The following SNRNP27 variants were observed in gnomAD, a reference collection of about 807,000 sequenced individuals.
SNRNP27 encodes the protein U4/U6.U5 small nuclear ribonucleoprotein 27 kDa protein.
SNRNP27 carries 22 observed loss-of-function variants against 25.1 expected under a neutral mutation model. The observed-to-expected ratio is 0.88, with a 90% confidence interval of 0.63 to 1.25. SNRNP27 has a LOEUF of 1.25. SNRNP27 is among the 50% of genes most tolerant of loss of function. SNRNP27 has a pLI of 0.00. For synonymous variants in SNRNP27, 66 were observed against 64.9 expected (o/e 1.02, Z -0.08); for missense variants, 150 against 202.3 (o/e 0.74, Z 1.57).
chr2:69,896,135 G>C (rs1676595944), intron 2 of SNRNP27, among the ~76,000 whole-genome samples: 1 of 152,046 alleles, frequency 6.6e-6, no homozygotes, highest in Non-Finnish European at 1.5e-5. Flanking sequence ...ACCATCAATT[G>C]CTGTTTAAGT....
rs1676763080 is a variant in SNRNP27, at chr2:69,904,654, A to C, written c.*346A>C. ...TGGAAGTAAGTTTATCCAATAAAGC[A>C]GTATTTCTACCCTTTTAGATTTGAT... is the stretch of plus-strand genomic sequence containing the variant. On this transcript the variant is annotated 3_prime_UTR_variant, in exon 6 of 6. Transcript: ENST00000244227. 4.5e-5 allele frequency: 19 copies of C among 419,218 alleles called. No homozygotes were observed. In the South Asian group the frequency reaches 8.6e-4, roughly 19 times the overall value. 26.0% of individuals were successfully genotyped at this position (419,218 alleles called of 1,614,324 possible).
chr2:69,899,392 T>G (rs1179845814), intron 4 of SNRNP27, among the ~76,000 whole-genome samples: 1 of 152,124 alleles, frequency 6.6e-6, no homozygotes, highest in Non-Finnish European at 1.5e-5. Context: ...CCTTTCTATT[T>G]GATTGTATTT....
intron 4 of SNRNP27, among the ~76,000 whole-genome samples, chr2:69,901,292 T>G (rs1328606331): frequency 6.6e-6 from 1 of 152,182 alleles, no homozygotes; most frequent in Non-Finnish European, 1.5e-5. Flanking sequence ...AATTGGGCCT[T>G]GAACAATGGG....
chr2:69,903,356 C>T, intron 5 of SNRNP27, 111 bp downstream of exon 5: 1 of 801,642 alleles, frequency 1.2e-6, no homozygotes, highest in Non-Finnish European at 2.1e-6. Context: ...CCATACTGTT[C>T]CTTGTTTGAA....
At chr2:69,904,159 A>T in intron 5 of SNRNP27, 95 bp from the exon 6 acceptor site, 1 of 749,878 alleles carries the variant, frequency 1.3e-6, no homozygotes, top group Non-Finnish European at 2.2e-6. Flanking sequence ...TATTATAAAG[A>T]TGGTTTATAG....
intron 3 of SNRNP27, 44 bp downstream of exon 3, chr2:69,896,592 A>G (rs184094872): frequency 1.3e-6 from 2 of 1,484,532 alleles, no homozygotes; most frequent in East Asian, 2.4e-5. Context: ...TACAGTGATG[A>G]TAAAATTATA....
chr2:69,901,867 A>G (rs1232192208), intron 4 of SNRNP27, among the ~76,000 whole-genome samples: 2 of 152,186 alleles, frequency 1.3e-5, no homozygotes, highest in African/African-American at 4.8e-5. Context: ...GGGTTGTACA[A>G]GAAATGGGAT....
At chr2:69,894,832 C>A (rs1195954097) in intron 1 of SNRNP27, among the ~76,000 whole-genome samples, 1 of 152,140 alleles carries the variant, frequency 6.6e-6, no homozygotes, top group Non-Finnish European at 1.5e-5. Context: ...CCCGTCCGTG[C>A]CACCACGCCT....
intron 1 of SNRNP27, 35 bp downstream of exon 1, chr2:69,894,053 C>T: frequency 3.2e-6 from 5 of 1,585,170 alleles, no homozygotes; most frequent in Non-Finnish European, 4.3e-6. Flanking sequence ...ATATGGGGCT[C>T]TGTTGGAGGC....
chr2:69,896,581 G>A, intron 3 of SNRNP27, 33 bp downstream of exon 3: 1 of 1,533,894 alleles, frequency 6.5e-7, no homozygotes, highest in South Asian at 1.2e-5. Flanking sequence ...TGTAGGAAAA[G>A]TACAGTGATG....
rs1333326959 is a variant in SNRNP27 at position 69,896,434 on chromosome 2, A to G, written c.156-2A>G. ...TCTAACATCTTTGCTTATAAATATTAGATCTCCAAGACGACATAGATCCAC... is the reference window on the plus strand; with the variant it reads ...TCTAACATCTTTGCTTATAAATATTGGATCTCCAAGACGACATAGATCCAC... On this transcript the variant is annotated splice_acceptor_variant, in intron 2 of 5. Coordinates refer to ENST00000244227, the MANE Select transcript of SNRNP27 (RefSeq NM_006857.3). LOFTEE classifies it high-confidence loss of function. 1 of 1,610,964 alleles carries G rather than the reference A, an allele frequency of 6.2e-7. No individual in the cohort carries two copies. Among genetic ancestry groups the G allele is most frequent in the Non-Finnish European group, 8.5e-7 (1 of 1,178,564 alleles).
intron 2 of SNRNP27, among the ~76,000 whole-genome samples, chr2:69,895,777 G>A (rs1467786195): frequency 1.3e-5 from 2 of 152,132 alleles, no homozygotes; most frequent in Non-Finnish European, 2.9e-5. Context: ...AGCCAGGATG[G>A]TCTTGATCTC....
intron 4 of SNRNP27, among the ~76,000 whole-genome samples, chr2:69,898,829 C>G (rs1215855018): frequency 1.3e-5 from 2 of 151,870 alleles, no homozygotes; most frequent in African/African-American, 4.8e-5. Flanking sequence ...CCTTGAATGC[C>G]CTAAATTCTT....
At chr2:69,900,456 C>T (rs1169339113) in intron 4 of SNRNP27, among the ~76,000 whole-genome samples, 1 of 152,146 alleles carries the variant, frequency 6.6e-6, no homozygotes, top group Non-Finnish European at 1.5e-5. Flanking sequence ...ATATACCTCA[C>T]AAGTAATTTG....
chr2:69,896,017 G>A (rs1283369884), intron 2 of SNRNP27, among the ~76,000 whole-genome samples: 2 of 150,086 alleles, frequency 1.3e-5, no homozygotes, highest in Non-Finnish European at 3.0e-5. Context: ...GTGTTGCCCA[G>A]GCTGGTCTTG....
At position 69,893,956 on chromosome 2, in the gene SNRNP27, A is replaced by C; in HGVS notation, c.-29A>C. On this transcript the variant is annotated 5_prime_UTR_variant, in exon 1 of 6. Transcript: ENST00000244227. ...TCCCGGCCCTCCCGGAAGTTGTTGC[A>C]CAGTTGTTTCCGGGAAGCGGGACTC... 1 of 1,613,202 alleles carries C rather than the reference A, an allele frequency of 6.2e-7. No homozygotes were observed. The highest frequency in any genetic ancestry group is 2.2e-5 in the East Asian group (1 of 44,860).
chr2:69,895,896 A>T (rs547827219), intron 2 of SNRNP27, among the ~76,000 whole-genome samples: 1 of 151,734 alleles, frequency 6.6e-6, no homozygotes, highest in East Asian at 1.9e-4. Context: ...GGTGATAATG[A>T]TTTATTCAAG....
intron 4 of SNRNP27, among the ~76,000 whole-genome samples, chr2:69,902,432 C>T (rs1676718188): frequency 6.6e-6 from 1 of 152,096 alleles, no homozygotes; most frequent in Non-Finnish European, 1.5e-5. Context: ...GCTTCTTCTG[C>T]TGCTCCTTCT....
At chr2:69,894,593 A>G (rs1299895489) in intron 1 of SNRNP27, among the ~76,000 whole-genome samples, 1 of 152,156 alleles carries the variant, frequency 6.6e-6, no homozygotes, top group African/African-American at 2.4e-5. Flanking sequence ...TAAATGAGGC[A>G]GCGCGACGTA....
Sources: gnomAD v4.1 joint callset for allele counts (sites outside exome capture counted in the v4.1 genomes callset) on GRCh38, gnomAD v4.1.1 for gene constraint, MANE v1.5 for transcripts, NCBI Gene and HGNC (gene_info 2026-07-23, HGNC 2026-07-21) for gene names.